The following TEX101 variants were observed in gnomAD, a reference collection of about 807,000 sequenced individuals.
TEX101 encodes testis-expressed protein 101.
Under a neutral mutation model 18.1 loss-of-function variants are expected in TEX101, and 10 were observed. The observed-to-expected ratio is 0.55, with a 90% CI of 0.34 to 0.94. TEX101 has a LOEUF of 0.94. Among genes scored for constraint, TEX101 ranks in the 40% least tolerant of loss-of-function variants. TEX101 has a pLI of 0.02. For synonymous variants in TEX101, 94 were observed against 114.8 expected (o/e 0.82, Z 1.16); for missense variants, 259 against 298.9 (o/e 0.87, Z 0.98).
At chr19:43,394,934 T>C in the TEX101 span, among the ~76,000 whole-genome samples, 184 of 152,274 alleles carry the variant, frequency 1.2e-3, no homozygotes, top group Non-Finnish European at 2.2e-3. Context: ...GTATCTGGGG[T>C]CTTGTGAATT....
the TEX101 span, among the ~76,000 whole-genome samples, chr19:43,390,004 G>A: frequency 6.6e-6 from 1 of 152,060 alleles, no homozygotes; most frequent in African/African-American, 2.4e-5. Flanking sequence ...TCCGGCCATG[G>A]CCCTCTCCTG....
At chr19:43,409,209 G>A (rs1298007788) in intron 3 of TEX101, among the ~76,000 whole-genome samples, 4 of 152,196 alleles carry the variant, frequency 2.6e-5, no homozygotes, top group Non-Finnish European at 5.9e-5. Context: ...AGAAACTAAG[G>A]AAGGCACTGA....
At chr19:43,411,598 T>C (rs561773483), upstream of TEX101, among the ~76,000 whole-genome samples, 2 of 152,316 alleles carry the variant, frequency 1.3e-5, no homozygotes, top group African/African-American at 4.8e-5. Flanking sequence ...CATAAACTAT[T>C]TGCCAACCAT....
At chr19:43,397,096 A>G (rs567895997), upstream of TEX101, among the ~76,000 whole-genome samples, 22 of 152,180 alleles carry the variant, frequency 1.4e-4, no homozygotes, top group Non-Finnish European at 2.8e-4. Flanking sequence ...TCAGCCTCCC[A>G]AAGTGCTGGG....
At chr19:43,411,208 C>A (rs879586712), upstream of TEX101, among the ~76,000 whole-genome samples, 1 of 152,176 alleles carries the variant, frequency 6.6e-6, no homozygotes, top group Admixed American at 6.5e-5. Flanking sequence ...TCCAGAGTAG[C>A]TGGGATTACA....
upstream of TEX101, among the ~76,000 whole-genome samples, chr19:43,398,535 T>C (rs1261568541): frequency 6.6e-6 from 1 of 152,122 alleles, no homozygotes; most frequent in African/African-American, 2.4e-5. Context: ...GCTGGGATTA[T>C]AGGCGTGAGC....
Position 43,415,010 on chromosome 19 carries a change from G to A in TEX101, c.-68G>A. 1.0e-6 allele frequency: 1 copy of A among 985,404 alleles called. No individual in the cohort carries two copies. The highest frequency in any genetic ancestry group is 1.2e-6 in the Non-Finnish European group (1 of 829,938). The allele number at this position is 985,404 out of a possible 1,614,324, so 61.0% of individuals were successfully genotyped here. A position where few individuals can be genotyped will look rare whatever the true frequency, so the allele number is the denominator to read the frequency against. On this transcript the variant is annotated 5_prime_UTR_variant, in exon 1 of 6. Coordinates refer to ENST00000598265, the MANE Select transcript of TEX101 (RefSeq NM_001130011.3). ...TTGCTTCTTTAAAGAGAAAAAGAAG[G>A]CTAGGGACTCAGATTCCTGGATTCT...
At chr19:43,407,988 A>AAGTT (rs59066950) in intron 3 of TEX101, among the ~76,000 whole-genome samples, 23,277 of 152,152 alleles carry the variant, frequency 0.15, 2,044 homozygotes, top group Non-Finnish European at 0.21. Flanking sequence ...GATCTGTTGA[A>AAGTT]AGTTAGCCCT....
At chr19:43,389,026 C>G in the TEX101 span, among the ~76,000 whole-genome samples, 2 of 152,158 alleles carry the variant, frequency 1.3e-5, no homozygotes, top group African/African-American at 2.4e-5. Flanking sequence ...TAGCTTCCCT[C>G]CCTTCCATGT....
upstream of TEX101, among the ~76,000 whole-genome samples, chr19:43,398,499 C>T (rs928207846): frequency 1.3e-5 from 2 of 151,846 alleles, no homozygotes; most frequent in African/African-American, 2.4e-5. Context: ...TGGTCTCGAT[C>T]TCTCGACCTC....
rs1344487769 is a variant in TEX101 at position 43,416,093 on chromosome 19, C to T, written c.65-6C>T. On this transcript the variant is annotated splice_region_variant and splice_polypyrimidine_tract_variant and intron_variant, in intron 2 of 5. Transcript: ENST00000598265. ...AGTGCTTATCCTTTTCTTGTTTTCT[C>T]CTCAGCGGGCCTAGAGCTGTATTGT... is the stretch of plus-strand genomic sequence containing the variant. 1 of 1,606,316 alleles carries T rather than the reference C, an allele frequency of 6.2e-7. No homozygotes were observed. The highest frequency in any genetic ancestry group is 8.5e-7 in the Non-Finnish European group (1 of 1,176,618).
rs146805602 is a variant in TEX101, at chr19:43,418,271, G to A, written c.624G>A (p.Ala208=). Reference sequence around the variant, plus strand: ...TAGGACCCATGTTTGTGAGGGAAGCGTGCCCACATCAGCTGCTCACTCAAC... The same window carrying A: ...TAGGACCCATGTTTGTGAGGGAAGCATGCCCACATCAGCTGCTCACTCAAC... ...LAVGPMFVRE[A]CPHQLLTQPR... is the part of the protein sequence containing the mutation. Residue 208 remains alanine (A), a synonymous_variant, in exon 6 of 6, where the codon GCG becomes GCA. Coordinates refer to ENST00000598265, the MANE Select transcript of TEX101 (RefSeq NM_001130011.3). The A allele has an allele frequency of 7.0e-4, 1,127 of 1,614,082 alleles. 4 individuals carry two copies. The highest frequency in any genetic ancestry group is 8.9e-4 in the Non-Finnish European group (1,053 of 1,180,040).
At chr19:43,416,605 C>T (rs369287037) in intron 4 of TEX101, 50 bp downstream of exon 4, 91 of 1,554,982 alleles carry the variant, frequency 5.9e-5, no homozygotes, top group Non-Finnish European at 7.1e-5. Context: ...CCATAAAGAG[C>T]TTGTGTATGG....
chr19:43,413,552 G>A (rs951839090), upstream of TEX101, among the ~76,000 whole-genome samples: 10 of 151,036 alleles, frequency 6.6e-5, 1 homozygote, highest in Admixed American at 3.3e-4. Context: ...CTCTTAAGAC[G>A]CAAGTCTGCT....
At chr19:43,401,288 G>T (rs773176022), upstream of TEX101, among the ~76,000 whole-genome samples, 1 of 152,192 alleles carries the variant, frequency 6.6e-6, no homozygotes, top group Non-Finnish European at 1.5e-5. Flanking sequence ...GTCTTGAAAC[G>T]CTGAAAGCAA....
upstream of TEX101, among the ~76,000 whole-genome samples, chr19:43,411,188 C>T (rs1024829750): frequency 3.3e-5 from 5 of 152,176 alleles, no homozygotes; most frequent in South Asian, 4.2e-4. Flanking sequence ...ATGATTCTCT[C>T]GCTGCAGCAT....
At chr19:43,413,700 C>G (rs1280893956), upstream of TEX101, among the ~76,000 whole-genome samples, 1 of 152,092 alleles carries the variant, frequency 6.6e-6, no homozygotes, top group African/African-American at 2.4e-5. Flanking sequence ...CGTCTGTAAT[C>G]CCAGTACTCT....
chr19:43,412,794 C>G (rs151152307), upstream of TEX101, among the ~76,000 whole-genome samples: 122 of 152,268 alleles, frequency 8.0e-4, 3 homozygotes, highest in East Asian at 5.6e-3. Context: ...AATAAATACT[C>G]ATTTATACTA....
In TEX101 at chr19:43,418,173, A is replaced by C; in HGVS notation, c.526A>C (p.Ile176Leu). 6.2e-7 allele frequency: 1 copy of C among 1,614,136 alleles called. No homozygotes were observed. The highest frequency in any genetic ancestry group is 8.5e-7 in the Non-Finnish European group (1 of 1,180,024). ...QGKLEITGGGIESSVEVKGCT... is the reference protein window; with the variant it reads ...QGKLEITGGGLESSVEVKGCT... ...GATCCTTCCTTGTTCTATAGGTGGC[A>C]TTGAGTCGTCTGTGGAGGTCAAAGG... is the stretch of plus-strand genomic sequence containing the variant. Residue 176 changes from isoleucine to leucine, a missense_variant, in exon 6 of 6, where the codon ATT (isoleucine) becomes CTT (leucine). Physicochemically the swap from Ile to Leu is conservative, Grantham distance 5. Coordinates refer to ENST00000598265, the MANE Select transcript of TEX101 (RefSeq NM_001130011.3).
Sources: gnomAD v4.1 joint callset for allele counts (sites outside exome capture counted in the v4.1 genomes callset) on GRCh38, gnomAD v4.1.1 for gene constraint, MANE v1.5 for transcripts, NCBI Gene and HGNC (gene_info 2026-07-23, HGNC 2026-07-21) for gene names.